The following OR4N2 variants were observed in gnomAD, a reference collection of about 807,000 sequenced individuals.
OR4N2 encodes olfactory receptor 4N2.
For synonymous variants in OR4N2, 141 were observed against 140.4 expected, an observed-to-expected ratio of 1.00 and a Z score of -0.03; for missense variants, 307 against 377.6, an observed-to-expected ratio of 0.81 and a Z score of 1.55.
chr14:19,810,063 C>G (rs1017176858), intron 1 of OR4N2, among the ~76,000 whole-genome samples: 3 of 152,218 alleles, frequency 2.0e-5, no homozygotes, highest in Admixed American at 1.3e-4. Context: ...AGTCAACAGA[C>G]AAGCTACAAA....
intron 1 of OR4N2, among the ~76,000 whole-genome samples, chr14:19,824,249 A>T (rs1350111825): frequency 6.6e-6 from 1 of 152,200 alleles, no homozygotes; most frequent in Non-Finnish European, 1.5e-5. Context: ...ATCTGATTAG[A>T]CTCTGCGTCT....
rs1879786412 is a variant in OR4N2 at position 19,828,484 on chromosome 14, A to G, written c.*112A>G. The G allele has an allele frequency of 8.9e-7, 1 of 1,121,932 alleles. No individual in the cohort carries two copies. The highest frequency in any genetic ancestry group is 1.6e-5 in the African/African-American group (1 of 62,634). The allele number at this position is 1,121,932 out of a possible 1,614,324, so 69.5% of individuals were successfully genotyped here. On this transcript the variant is annotated 3_prime_UTR_variant, in exon 2 of 2. Coordinates refer to ENST00000557677, the MANE Select transcript of OR4N2 (RefSeq NM_001004723.3). ...TGAGTACCTCCCATTTGTCAGGACT[A>G]TTCTGGGAACTGAAAAAAGAAATTA... is the stretch of plus-strand genomic sequence containing the variant.
chr14:19,805,786 A>T (rs143952801), intron 1 of OR4N2, among the ~76,000 whole-genome samples: 27 of 152,176 alleles, frequency 1.8e-4, no homozygotes, highest in African/African-American at 6.3e-4. Context: ...TAATCTTCAG[A>T]TTCACCACAG....
intron 1 of OR4N2, among the ~76,000 whole-genome samples, chr14:19,824,521 A>G (rs1780869): frequency 0.022 from 3,273 of 151,506 alleles, no homozygotes; most frequent in Non-Finnish European, 0.037. Context: ...AGCATGTGGG[A>G]TACATAAAAC....
chr14:19,828,342 GA>G lies in OR4N2; in HGVS notation c.899del (p.Lys300ArgfsTer7). ...GCAACCAGGAAGTGAAAGCTTCCATGAAAAAGGTGTTTAATAAGCACATAGC... is the reference window on the plus strand; with the variant it reads ...GCAACCAGGAAGTGAAAGCTTCCATGAAAAGGTGTTTAATAAGCACATAGC... ...LRNQEVKASMKKVFNKHIA is the reference protein window; with the variant it reads ...LRNQEVKASMXKVFNKHIA On this transcript the variant is annotated frameshift_variant, in exon 2 of 2. Coordinates refer to ENST00000557677, the MANE Select transcript of OR4N2 (RefSeq NM_001004723.3). LOFTEE classifies it low-confidence loss of function (END_TRUNC). The G allele has an allele frequency of 1.2e-6, 2 of 1,605,466 alleles. No homozygotes were observed. The highest frequency in any genetic ancestry group is 1.7e-6 in the Non-Finnish European group (2 of 1,175,996).
chr14:19,806,362 G>C (rs919833223), intron 1 of OR4N2, among the ~76,000 whole-genome samples: 1 of 149,710 alleles, frequency 6.7e-6, no homozygotes, highest in Non-Finnish European at 1.5e-5. Flanking sequence ...CAGGGTCAAA[G>C]TAAAGGGATG....
In OR4N2 at chr14:19,827,489, T is replaced by C. The variant is rs373370066; in HGVS notation, c.41T>C (p.Leu14Pro). 188 of 1,610,320 alleles carry C rather than the reference T, an allele frequency of 1.2e-4. No individual in the cohort carries two copies. Among genetic ancestry groups the C allele is most frequent in the South Asian group, 3.4e-4 (31 of 90,552 alleles). Residue 14 changes from leucine (L) to proline (P), a missense_variant, in exon 2 of 2, where the codon CTC becomes CCC. By Grantham distance (98) the Leu-to-Pro change is moderately conservative. Coordinates refer to ENST00000557677, the MANE Select transcript of OR4N2 (RefSeq NM_001004723.3). Reference sequence around the variant, plus strand: ...AGAACAGTGATAAGAGAATTCATCCTCCTTGGTCTGACCCAGTCTCAAGAT... The same window carrying C: ...AGAACAGTGATAAGAGAATTCATCCCCCTTGGTCTGACCCAGTCTCAAGAT... ...ENRTVIREFILLGLTQSQDIQ... is the reference protein window; with the variant it reads ...ENRTVIREFIPLGLTQSQDIQ...
intron 1 of OR4N2, among the ~76,000 whole-genome samples, chr14:19,807,616 C>T (rs1011956664): frequency 5.9e-5 from 9 of 152,192 alleles, no homozygotes; most frequent in Middle Eastern, 3.4e-3. Context: ...CAAAGTAAGT[C>T]CTGGGCCAGA....
At chr14:19,815,226 A>G (rs565213088) in intron 1 of OR4N2, among the ~76,000 whole-genome samples, 72 of 152,380 alleles carry the variant, frequency 4.7e-4, no homozygotes, top group African/African-American at 1.7e-3. Context: ...TTCTGGTTCT[A>G]CATCCTTGAG....
intron 1 of OR4N2, among the ~76,000 whole-genome samples, chr14:19,814,087 G>A (rs1295816729): frequency 6.6e-6 from 1 of 151,730 alleles, no homozygotes; most frequent in African/African-American, 2.4e-5. Flanking sequence ...TATTTCACTT[G>A]TAAAGTGACC....
intron 1 of OR4N2, among the ~76,000 whole-genome samples, chr14:19,819,853 T>C (rs1236843201): frequency 6.6e-6 from 1 of 152,280 alleles, no homozygotes; most frequent in Non-Finnish European, 1.5e-5. Context: ...GTTGGTGACC[T>C]TCAGTTGGGG....
chr14:19,810,788 T>C (rs768890296), intron 1 of OR4N2, among the ~76,000 whole-genome samples: 1 of 152,230 alleles, frequency 6.6e-6, no homozygotes, highest in Non-Finnish European at 1.5e-5. Context: ...GATAAACCCA[T>C]AGTAGAATGA....
intron 1 of OR4N2, among the ~76,000 whole-genome samples, chr14:19,807,900 A>T (rs1415986117): frequency 2.0e-5 from 3 of 152,130 alleles, no homozygotes; most frequent in African/African-American, 7.2e-5. Flanking sequence ...TCAAGTAGGT[A>T]CTATTCCTGA....
At chr14:19,803,888 T>A (rs917442954) in intron 1 of OR4N2, 44 bp downstream of exon 1, 2 of 152,274 alleles carry the variant, frequency 1.3e-5, no homozygotes, top group African/African-American at 4.8e-5. Context: ...GAACTTGTTA[T>A]TAGTCTGTTC....
intron 1 of OR4N2, among the ~76,000 whole-genome samples, chr14:19,822,726 G>T (rs1254634458): frequency 1.3e-5 from 2 of 152,200 alleles, no homozygotes; most frequent in African/African-American, 4.8e-5. Flanking sequence ...AATATTTTCA[G>T]GATTAACTTT....
At chr14:19,818,526 A>T (rs1402462879) in intron 1 of OR4N2, among the ~76,000 whole-genome samples, 1 of 152,038 alleles carries the variant, frequency 6.6e-6, no homozygotes, top group Admixed American at 6.6e-5. Flanking sequence ...TTGGCTTTCA[A>T]TATGCTTGGT....
intron 1 of OR4N2, 43 bp downstream of exon 1, chr14:19,803,887 A>T (rs1208701258): frequency 6.6e-6 from 1 of 152,238 alleles, no homozygotes; most frequent in Non-Finnish European, 1.5e-5. Context: ...GGAACTTGTT[A>T]TTAGTCTGTT....
intron 1 of OR4N2, among the ~76,000 whole-genome samples, chr14:19,821,134 C>T (rs1879555186): frequency 6.6e-6 from 1 of 152,258 alleles, no homozygotes; most frequent in Admixed American, 6.5e-5. Flanking sequence ...AATCAGAATG[C>T]ACCTTTCCTC....
intron 1 of OR4N2, among the ~76,000 whole-genome samples, chr14:19,815,655 G>GTTTTTTTTTTTTTTTTTTTTTTTTTTTT (rs59019427): frequency 7.2e-6 from 1 of 138,520 alleles, no homozygotes. Flanking sequence ...GTTTTTTTTT[G>GTTTTTTTTTTTTTTTTTTTTTTTTTTTT]TTTTTTTTTT....
Sources: gnomAD v4.1 joint callset for allele counts (sites outside exome capture counted in the v4.1 genomes callset) on GRCh38, gnomAD v4.1.1 for gene constraint, MANE v1.5 for transcripts, NCBI Gene and HGNC (gene_info 2026-07-23, HGNC 2026-07-21) for gene names.